The following HS1BP3 variants were observed in gnomAD, a reference collection of about 807,000 sequenced individuals.
HS1BP3 encodes HCLS1-binding protein 3.
HS1BP3 carries 32 observed loss-of-function variants against 33.5 expected under a neutral mutation model. The ratio of observed to expected loss-of-function variants is 0.95; its 90% CI spans 0.72 to 1.28. HS1BP3 has a LOEUF of 1.28. Among genes scored for constraint, HS1BP3 ranks in the 50% most tolerant of loss-of-function variants. The probability of loss-of-function intolerance (pLI) is 0.00; values close to 1 mark genes in which losing one functional copy is unlikely to be tolerated. For synonymous variants in HS1BP3, 187 were observed against 209.2 expected (o/e 0.89, Z 0.92); for missense variants, 486 against 502.3 (o/e 0.97, Z 0.31).
chr2:20,586,314 C>A lies in HS1BP3; in HGVS notation c.303-25799G>T, dbSNP rs1165727499. On this transcript the variant is annotated intron_variant, in intron 5 of 5. Coordinates refer to the HS1BP3 transcript ENST00000446825. ...CATCTTTCACAACAGAGCACAGCCACCTTGAAGCTGGGGAAGGGGCTGTTT... is the reference window on the plus strand; with the variant it reads ...CATCTTTCACAACAGAGCACAGCCAACTTGAAGCTGGGGAAGGGGCTGTTT... 3 of 152,226 alleles carry A rather than the reference C, an allele frequency of 2.0e-5. No individual in the cohort carries two copies. In the South Asian group the frequency reaches 6.2e-4, roughly 31 times the overall value. 9.4% of individuals were successfully genotyped at this position (152,226 alleles called of 1,614,324 possible).
Position 20,623,945 on chromosome 2 carries a change from C to T in HS1BP3, c.871G>A (p.Gly291Arg), listed in dbSNP as rs1694685670. Residue 291 changes from glycine (G) to arginine (R), a missense_variant, in exon 6 of 7, where the codon GGG (glycine) becomes AGG (arginine). Physicochemically the swap from Gly to Arg is moderately radical, Grantham distance 125 (BLOSUM62 -2). Coordinates refer to ENST00000304031, the MANE Select transcript of HS1BP3 (RefSeq NM_022460.4). ...CTGTGGCTGAGGCTGGGTGTGGGCC[C>T]TCCACTCTCACAGGCGGCTGGCAGC... ...LLLPAACESG[G>R]PTPSLSHRDA... 1 of 1,612,626 alleles carries T rather than the reference C, an allele frequency of 6.2e-7. No homozygotes were observed. Among genetic ancestry groups the T allele is most frequent in the Non-Finnish European group, 8.5e-7 (1 of 1,179,938 alleles).
downstream of HS1BP3, among the ~76,000 whole-genome samples, chr2:20,557,369 C>T (rs996118909): frequency 3.9e-5 from 6 of 152,192 alleles, no homozygotes; most frequent in East Asian, 1.9e-4. Context: ...TGAATGATGA[C>T]GGCTGGGCCT....
intron 5 of HS1BP3, among the ~76,000 whole-genome samples, chr2:20,576,055 C>T (rs928237386): frequency 2.0e-5 from 3 of 152,066 alleles, no homozygotes; most frequent in Admixed American, 6.5e-5. Context: ...GTGGCATGAC[C>T]GCAGCTCACT....
intron 3 of HS1BP3, among the ~76,000 whole-genome samples, chr2:20,597,172 T>C (rs1301974641): frequency 6.6e-6 from 1 of 152,198 alleles, no homozygotes; most frequent in Non-Finnish European, 1.5e-5. Context: ...GCCACAGTCC[T>C]GGCCATCCCC....
At chr2:20,585,738 G>C (rs1693665562) in intron 5 of HS1BP3, among the ~76,000 whole-genome samples, 1 of 152,154 alleles carries the variant, frequency 6.6e-6, no homozygotes, top group African/African-American at 2.4e-5. Flanking sequence ...CCCACGCTTG[G>C]CCATTTTGCC....
downstream of HS1BP3, among the ~76,000 whole-genome samples, chr2:20,616,654 G>A (rs1289897960): frequency 6.6e-6 from 1 of 152,194 alleles, no homozygotes; most frequent in Non-Finnish European, 1.5e-5. Flanking sequence ...GGTTGGCATA[G>A]TGAGGAGTGA....
intron 5 of HS1BP3, among the ~76,000 whole-genome samples, chr2:20,572,150 G>GCAGGGCGGCC (rs1186439182): frequency 1.3e-5 from 2 of 152,230 alleles, no homozygotes; most frequent in Admixed American, 1.3e-4. Context: ...CCTTGAAGGG[G>GCAGGGCGGCC]CAGGGCGGCC....
chr2:20,612,393 A>G (rs1445026066), intron 2 of HS1BP3, among the ~76,000 whole-genome samples: 1 of 152,244 alleles, frequency 6.6e-6, no homozygotes, highest in African/African-American at 2.4e-5. Context: ...AAACTTATCA[A>G]ATTGTGCAAC....
rs1695236614 is a variant in HS1BP3 at position 20,638,577 on chromosome 2, CCT to C, written c.480_481del (p.Gly161GlufsTer2). On this transcript the variant is annotated frameshift_variant, in exon 4 of 7. Coordinates refer to ENST00000304031, the MANE Select transcript of HS1BP3 (RefSeq NM_022460.4). LOFTEE classifies it high-confidence loss of function. Reference sequence around the variant, plus strand: ...AAAGTCGAAAGCCTCTTCATCATTCCCTGTCTGACTGTCTGTGCCATCCAGGA... The same window carrying C: ...AAAGTCGAAAGCCTCTTCATCATTCCGTCTGACTGTCTGTGCCATCCAGGA... The C allele has an allele frequency of 1.2e-6, 2 of 1,614,220 alleles. No homozygotes were observed. Among genetic ancestry groups the C allele is most frequent in the Non-Finnish European group, 1.7e-6 (2 of 1,180,042 alleles).
intron 4 of HS1BP3, among the ~76,000 whole-genome samples, chr2:20,629,716 T>C (rs1368705058): frequency 6.6e-6 from 1 of 152,220 alleles, no homozygotes; most frequent in East Asian, 1.9e-4. Flanking sequence ...TGCATGCACA[T>C]GTGTGCATGG....
rs573321597 is a variant in HS1BP3 at position 20,603,485 on chromosome 2, C to A, written c.179-5220G>T. Among the ~76,000 whole-genome samples, 7 of 152,264 alleles carry A rather than the reference C, an allele frequency of 4.6e-5. No individual in the cohort carries two copies. In the East Asian group the frequency reaches 1.4e-3, roughly 29 times the overall value. ...GCTAGGCGAAAGAAGTCAGAATTACCAAAAATCCACATATTACATTATCCC... is the reference window on the plus strand; with the variant it reads ...GCTAGGCGAAAGAAGTCAGAATTACAAAAAATCCACATATTACATTATCCC... On this transcript the variant is annotated intron_variant, in intron 2 of 3. Coordinates refer to the HS1BP3 transcript ENST00000415264.
intron 4 of HS1BP3, chr2:20,637,038 C>CCCA (rs1553322971): frequency 7.1e-6 from 1 of 141,338 alleles, no homozygotes; most frequent in African/African-American, 2.6e-5. Flanking sequence ...GCCCCCGCCC[C>CCCA]CCCCGCCCCG....
At chr2:20,555,655 C>G (rs555770216), downstream of HS1BP3, among the ~76,000 whole-genome samples, 4 of 152,170 alleles carry the variant, frequency 2.6e-5, no homozygotes, top group Admixed American at 1.3e-4. Flanking sequence ...TCCCCACCCC[C>G]CTGCCTCTTC....
chr2:20,617,319 G>T (rs1421061972), downstream of HS1BP3, among the ~76,000 whole-genome samples: 1 of 152,196 alleles, frequency 6.6e-6, no homozygotes, highest in African/African-American at 2.4e-5. Flanking sequence ...TGTGAAGGGG[G>T]AAGGCAAATG....
chr2:20,597,159 T>C (rs1483235500), intron 3 of HS1BP3, among the ~76,000 whole-genome samples: 1 of 152,204 alleles, frequency 6.6e-6, no homozygotes, highest in African/African-American at 2.4e-5. Flanking sequence ...CATGAGGCCC[T>C]TGGCCACAGT....
intron 3 of HS1BP3, among the ~76,000 whole-genome samples, chr2:20,595,062 G>A (rs1693912574): frequency 6.6e-6 from 1 of 152,164 alleles, no homozygotes; most frequent in Non-Finnish European, 1.5e-5. Flanking sequence ...CCACTTCCCT[G>A]AATGAGGGAG....
In HS1BP3 at chr2:20,618,800, A is replaced by G; in HGVS notation, c.*187T>C. On this transcript the variant is annotated 3_prime_UTR_variant, in exon 7 of 7. Coordinates refer to ENST00000304031, the MANE Select transcript of HS1BP3 (RefSeq NM_022460.4). ...GGTGAGAGCCGCTCCCGCAGCCCGC[A>G]GGCTTCTACTTTGGCCCCACAGCCC... is the stretch of plus-strand genomic sequence containing the variant. 1 of 1,403,416 alleles carries G rather than the reference A, an allele frequency of 7.1e-7. No individual in the cohort carries two copies. The highest frequency in any genetic ancestry group is 9.2e-7 in the Non-Finnish European group (1 of 1,083,880). The allele number at this position is 1,403,416 out of a possible 1,614,324, so 86.9% of individuals were successfully genotyped here.
intron 5 of HS1BP3, among the ~76,000 whole-genome samples, chr2:20,566,450 C>T (rs1340015652): frequency 6.6e-6 from 1 of 152,216 alleles, no homozygotes; most frequent in Non-Finnish European, 1.5e-5. Flanking sequence ...ACTGGGTCTC[C>T]TGTTCCCTGG....
At chr2:20,632,454 A>G (rs547347979) in intron 4 of HS1BP3, among the ~76,000 whole-genome samples, 10 of 152,342 alleles carry the variant, frequency 6.6e-5, no homozygotes, top group African/African-American at 2.4e-4. Flanking sequence ...AGTGTTGGAC[A>G]TGGCCTGGGG....
Sources: gnomAD v4.1 joint callset for allele counts (sites outside exome capture counted in the v4.1 genomes callset) on GRCh38, gnomAD v4.1.1 for gene constraint, MANE v1.5 for transcripts, NCBI Gene and HGNC (gene_info 2026-07-23, HGNC 2026-07-21) for gene names.